Variants in IP6K1 observed in about 807,000 individuals in gnomAD.
IP6K1 encodes the protein ATP:1D-myo-inositol-hexakisphosphate phosphotransferase.
A neutral mutation model predicts 38.3 loss-of-function variants in IP6K1; 13 were observed. The observed-to-expected ratio is 0.34, with a 90% CI of 0.22 to 0.54. The LOEUF is 0.54. Among genes scored for constraint, IP6K1 ranks in the 20% least tolerant of loss-of-function variants. IP6K1 has a pLI of 0.92. For synonymous variants in IP6K1, 212 were observed against 229.9 expected (o/e 0.92, Z 0.70); for missense variants, 397 against 599.8 (o/e 0.66, Z 3.53).
intron 2 of IP6K1, among the ~76,000 whole-genome samples, chr3:49,740,618 G>A (rs2080658348): frequency 6.6e-6 from 1 of 152,166 alleles, no homozygotes; most frequent in South Asian, 2.1e-4. Context: ...GTTCTTTTGT[G>A]TCTGGCTTAG....
intron 1 of IP6K1, among the ~76,000 whole-genome samples, chr3:49,760,113 C>G (rs1045604257): frequency 5.9e-5 from 9 of 152,138 alleles, no homozygotes; most frequent in Non-Finnish European, 1.0e-4. Context: ...CCACGCTGGT[C>G]TCCATCTCCC....
intron 1 of IP6K1, among the ~76,000 whole-genome samples, chr3:49,760,810 G>C (rs1030250578): frequency 6.6e-6 from 1 of 152,024 alleles, no homozygotes; most frequent in African/African-American, 2.4e-5. Context: ...GATTCTGGGA[G>C]TCAGAAACCA....
At chr3:49,770,529 T>C (rs2108257339) in intron 1 of IP6K1, among the ~76,000 whole-genome samples, 1 of 152,082 alleles carries the variant, frequency 6.6e-6, no homozygotes, top group East Asian at 1.9e-4. Context: ...CCTGTAGTCT[T>C]AGCTACGCGG....
At chr3:49,777,869 C>T (rs1346633163) in intron 1 of IP6K1, among the ~76,000 whole-genome samples, 3 of 150,854 alleles carry the variant, frequency 2.0e-5, no homozygotes, top group African/African-American at 4.9e-5. Flanking sequence ...GAGCTGAGAT[C>T]GCGCCACGCA....
intron 1 of IP6K1, among the ~76,000 whole-genome samples, chr3:49,780,545 C>T (rs995755199): frequency 6.6e-6 from 1 of 152,100 alleles, no homozygotes; most frequent in African/African-American, 2.4e-5. Context: ...TTCCTTATAG[C>T]GTCAGGGCTG....
intron 1 of IP6K1, among the ~76,000 whole-genome samples, chr3:49,762,301 T>C (rs1397935028): frequency 6.6e-6 from 1 of 152,074 alleles, no homozygotes; most frequent in African/African-American, 2.4e-5. Context: ...CCCGGTACTT[T>C]GGGAGGCTGA....
At chr3:49,742,849 C>A (rs150993899) in intron 2 of IP6K1, among the ~76,000 whole-genome samples, 2 of 151,890 alleles carry the variant, frequency 1.3e-5, no homozygotes, top group African/African-American at 4.8e-5. Context: ...TGAGATCGTG[C>A]CACTGCATTC....
intron 1 of IP6K1, chr3:49,758,805 T>G (rs1177013548): frequency 6.6e-6 from 1 of 152,004 alleles, no homozygotes; most frequent in East Asian, 1.9e-4. Flanking sequence ...CTACTAAAAA[T>G]ACAAATATAG....
At chr3:49,775,577 C>A in intron 1 of IP6K1, 2 of 1,037,752 alleles carry the variant, frequency 1.9e-6, no homozygotes, top group African/African-American at 1.6e-5. Flanking sequence ...CAGACCTCTT[C>A]TACGAACACA....
Position 49,747,885 on chromosome 3 carries a change from G to A in IP6K1, c.156C>T (p.Ile52=), listed in dbSNP as rs1485029412. The stretch of plus-strand genomic sequence containing the variant: ...ACTCGTAAAAGCGCTGTTCCCGGGA[G>A]ATGAGGGGCTTGCACACAGTGTGAT... ...YDDHTVCKPL[I]SREQRFYESL... Residue 52 remains isoleucine, a synonymous_variant, in exon 2 of 6, where the codon ATC becomes ATT. Transcript: ENST00000321599. 1 of 1,614,202 alleles carries A rather than the reference G, an allele frequency of 6.2e-7. No homozygotes were observed. The highest frequency in any genetic ancestry group is 8.5e-7 in the Non-Finnish European group (1 of 1,180,032).
At chr3:49,770,592 C>T (rs973536770) in intron 1 of IP6K1, among the ~76,000 whole-genome samples, 2 of 151,950 alleles carry the variant, frequency 1.3e-5, no homozygotes, top group South Asian at 2.1e-4. Context: ...GTGTAGTGAG[C>T]GGAGATCATG....
intron 1 of IP6K1, among the ~76,000 whole-genome samples, chr3:49,752,340 T>C (rs1270077444): frequency 7.9e-5 from 12 of 151,702 alleles, no homozygotes; most frequent in Non-Finnish European, 1.8e-4. Context: ...ACAAAAAAAT[T>C]AGACGGGTGT....
In IP6K1 at chr3:49,725,776, C is replaced by T. The variant is rs2080495314; in HGVS notation, c.*1346G>A. On this transcript the variant is annotated 3_prime_UTR_variant, in exon 6 of 6. Coordinates refer to ENST00000321599, the MANE Select transcript of IP6K1 (RefSeq NM_153273.4). The stretch of plus-strand genomic sequence containing the variant: ...AAGGAAGGGTCACTCCTCAAGCCCT[C>T]ACTGCCCCACTCTAAGGGTTGAGGG... 6.6e-6 allele frequency: 1 copy of T among 152,562 alleles called. No individual in the cohort carries two copies. The allele number at this position is 152,562 out of a possible 1,614,324, so 9.5% of individuals were successfully genotyped here.
chr3:49,727,382 T>TCTCAGACCGGCGGTCCAGGCAGGA lies in IP6K1; in HGVS notation c.1042_1065dup (p.Ser348_Glu355dup). ...ACCATGTCCAGGTGCTTGAGACGCA[T>TCTCAGACCGGCGGTCCAGGCAGGA]CTCAGACCGGCGGTCCAGGCAGGAC... On this transcript the variant is annotated inframe_insertion, in exon 6 of 6. Coordinates refer to ENST00000321599, the MANE Select transcript of IP6K1 (RefSeq NM_153273.4). This position sits in a 1 kb window ranked among gnomAD's most constrained non-coding sequence, Gnocchi z 5.9. The TCTCAGACCGGCGGTCCAGGCAGGA allele has an allele frequency of 6.2e-7, 1 of 1,613,986 alleles. No individual in the cohort carries two copies. Among genetic ancestry groups the TCTCAGACCGGCGGTCCAGGCAGGA allele is most frequent in the African/African-American group, 1.3e-5 (1 of 75,008 alleles).
At chr3:49,739,455 G>A (rs1300393526) in intron 2 of IP6K1, among the ~76,000 whole-genome samples, 2 of 150,560 alleles carry the variant, frequency 1.3e-5, no homozygotes, top group Non-Finnish European at 2.9e-5. Context: ...CCAGGTTCAA[G>A]CGATTCTCTT....
chr3:49,764,710 G>C (rs377549307), intron 1 of IP6K1, among the ~76,000 whole-genome samples: 1 of 151,902 alleles, frequency 6.6e-6, no homozygotes, highest in Admixed American at 6.6e-5. Context: ...ACAATCCCAT[G>C]TCTACTACAA....
At chr3:49,775,727 TGCTAGTGTCCTGGCA>T in intron 1 of IP6K1, 1 of 376,580 alleles carries the variant, frequency 2.7e-6, no homozygotes, top group Non-Finnish European at 4.8e-6. Flanking sequence ...CAGGAGTGCC[TGCTAGTGTCCTGGCA>T]GCTTACCAAC....
chr3:49,758,314 C>CA (rs11359274), intron 1 of IP6K1, among the ~76,000 whole-genome samples: 30,082 of 54,112 alleles, frequency 0.56, 7,543 homozygotes, highest in East Asian at 0.79. Flanking sequence ...GACTCCATCT[C>CA]AAAAAAAAAA....
At chr3:49,762,977 G>A (rs2080880164) in intron 1 of IP6K1, among the ~76,000 whole-genome samples, 1 of 151,802 alleles carries the variant, frequency 6.6e-6, no homozygotes, top group African/African-American at 2.4e-5. Flanking sequence ...TCACCACGTT[G>A]GCCAGGCTGG....
Sources: allele counts gnomAD v4.1 joint callset (sites outside exome capture counted in the v4.1 genomes callset), GRCh38; gene constraint gnomAD v4.1.1; non-coding constraint Gnocchi (gnomAD v3.1); transcripts MANE v1.5; gene names NCBI Gene and HGNC (gene_info 2026-07-23, HGNC 2026-07-21).